Variants in OPA1 observed in about 807,000 individuals in gnomAD.
The protein encoded by OPA1 is OPA1 mitochondrial dynamin like GTPase, also known as dynamin-like GTPase OPA1, mitochondrial.
Under a neutral mutation model 152.9 loss-of-function variants are expected in OPA1, and 59 were observed. The observed-to-expected ratio is 0.39, with a 90% CI of 0.31 to 0.48. The LOEUF is 0.48. Among genes scored for constraint, OPA1 ranks in the 20% least tolerant of loss-of-function variants. The pLI is 0.96. For synonymous variants in OPA1, 400 were observed against 389.9 expected (o/e 1.03, Z -0.31); for missense variants, 1,008 against 1,216.8 (o/e 0.83, Z 2.55).
intron 21 of OPA1, among the ~76,000 whole-genome samples, chr3:193,653,927 G>T (rs946915405): frequency 1.3e-5 from 2 of 152,124 alleles, no homozygotes; most frequent in African/African-American, 4.8e-5. Flanking sequence ...AGGATGTAGA[G>T]GATCTAGAAC....
At position 193,644,077 on chromosome 3, in the gene OPA1, C is replaced by A; in HGVS notation, c.1580C>A (p.Ala527Glu). 6.2e-7 allele frequency: 1 copy of A among 1,613,586 alleles called. No homozygotes were observed. Among genetic ancestry groups the A allele is most frequent in the Non-Finnish European group, 8.5e-7 (1 of 1,179,748 alleles). The change falls in exon 16 of 31, where the codon GCA becomes GAA. Residue 527 changes from alanine (A) to glutamate (E), a missense_variant. Ala to Glu is a moderately radical substitution (Grantham distance 107). Coordinates refer to ENST00000361510, the MANE Select transcript of OPA1 (RefSeq NM_130837.3). ...TTCGTTTTGACCAAAGTAGACCTGG[C>A]AGAGAAAAATGTAGCCAGTCCAAGC... ...TIFVLTKVDL[A>E]EKNVASPSRI...
chr3:193,683,136 G>A (rs893034881), intron 29 of OPA1, among the ~76,000 whole-genome samples: 5 of 152,146 alleles, frequency 3.3e-5, no homozygotes, highest in Non-Finnish European at 4.4e-5. Flanking sequence ...AAGAGTTTGG[G>A]ACTTAAGAGG....
At chr3:193,616,445 C>T (rs911742421) in intron 3 of OPA1, among the ~76,000 whole-genome samples, 3 of 152,182 alleles carry the variant, frequency 2.0e-5, no homozygotes, top group South Asian at 2.1e-4. Context: ...CATATTTTGT[C>T]AGCATTTCCA....
At chr3:193,692,927 C>T (rs1376088023) in intron 30 of OPA1, among the ~76,000 whole-genome samples, 9 of 152,186 alleles carry the variant, frequency 5.9e-5, no homozygotes, top group African/African-American at 1.9e-4. Context: ...CAGCTAATTT[C>T]TTTAATTTTT....
At chr3:193,690,190 A>AT (rs11398485) in intron 29 of OPA1, among the ~76,000 whole-genome samples, 69,724 of 149,466 alleles carry the variant, frequency 0.47, 16,460 homozygotes, top group African/African-American at 0.54. Context: ...ATGGGTTAGG[A>AT]TTTTTTTTTT....
rs1305679135 is a variant in OPA1 at position 193,657,160 on chromosome 3, T to C, written c.2259T>C (p.Asp753=). The C allele has an allele frequency of 6.2e-7, 1 of 1,613,912 alleles. No individual in the cohort carries two copies. Among genetic ancestry groups the C allele is most frequent in the Admixed American group, 1.7e-5 (1 of 60,014 alleles). Residue 753 remains aspartate (D), a synonymous_variant, in exon 23 of 31, where the codon GAT becomes GAC. Transcript: ENST00000361510. ...GGAAAGAGCATGATGACATATTTGA[T>C]AAACTTAAAGAGGCTGTTAAGGAAG... ...PKGKEHDDIF[D]KLKEAVKEES...
intron 11 of OPA1, among the ~76,000 whole-genome samples, chr3:193,641,207 G>A (rs1259571859): frequency 1.3e-5 from 2 of 152,158 alleles, no homozygotes; most frequent in Non-Finnish European, 2.9e-5. Context: ...AATTAATTTT[G>A]TTTTGGCAGG....
intron 11 of OPA1, 125 bp from the exon 12 acceptor site, chr3:193,642,640 G>A (rs1733960347): frequency 1.4e-6 from 1 of 735,578 alleles, no homozygotes; most frequent in Non-Finnish European, 2.4e-6. Context: ...GGGTGCCCCA[G>A]CAGTAGTGTG....
chr3:193,680,259 T>G (rs1230741513), intron 29 of OPA1, among the ~76,000 whole-genome samples: 12 of 152,234 alleles, frequency 7.9e-5, no homozygotes. Context: ...AGAATCATTC[T>G]CATGATTCAT....
intron 30 of OPA1, 112 bp downstream of exon 30, chr3:193,692,244 T>C: frequency 1.5e-6 from 1 of 682,800 alleles, no homozygotes; most frequent in Middle Eastern, 2.5e-4. Context: ...TATGCTGTAA[T>C]TTCAATGGCA....
chr3:193,638,412 T>C (rs1733263311), intron 11 of OPA1, among the ~76,000 whole-genome samples: 1 of 152,168 alleles, frequency 6.6e-6, no homozygotes, highest in Non-Finnish European at 1.5e-5. Flanking sequence ...AGCAGAGAAA[T>C]GAAGCAGTAG....
At chr3:193,686,371 T>A (rs1005699660) in intron 29 of OPA1, among the ~76,000 whole-genome samples, 2 of 151,642 alleles carry the variant, frequency 1.3e-5, no homozygotes. Context: ...TTCTGTAACA[T>A]GCAGGAGTGT....
intron 29 of OPA1, among the ~76,000 whole-genome samples, chr3:193,671,624 C>A (rs11720234): frequency 0.42 from 64,278 of 151,872 alleles, 13,874 homozygotes; most frequent in Non-Finnish European, 0.43. Flanking sequence ...TTGGAAAATA[C>A]CATTATTCAT....
chr3:193,668,380 A>G, intron 29 of OPA1: 5 of 1,551,158 alleles, frequency 3.2e-6, no homozygotes, highest in Non-Finnish European at 4.4e-6. Flanking sequence ...CGCCGCACCC[A>G]GCATTGACAC....
At chr3:193,632,003 C>A (rs1224222533) in intron 8 of OPA1, among the ~76,000 whole-genome samples, 4 of 152,180 alleles carry the variant, frequency 2.6e-5, no homozygotes, top group African/African-American at 9.7e-5. Flanking sequence ...TCTACCACAT[C>A]GTTCTAGTGG....
intron 6 of OPA1, chr3:193,624,065 T>C (rs1347039040): frequency 2.0e-5 from 3 of 152,650 alleles, no homozygotes; most frequent in African/African-American, 4.8e-5. Context: ...TGAAATCTAA[T>C]AGATGATTGG....
intron 21 of OPA1, among the ~76,000 whole-genome samples, chr3:193,651,252 A>G (rs910196410): frequency 4.6e-5 from 7 of 152,238 alleles, no homozygotes; most frequent in Admixed American, 2.0e-4. Flanking sequence ...AAAATGGAAT[A>G]CAGGCGGAGA....
intron 1 of OPA1, among the ~76,000 whole-genome samples, chr3:193,610,413 G>A (rs1728018572): frequency 6.6e-6 from 1 of 152,194 alleles, no homozygotes; most frequent in Non-Finnish European, 1.5e-5. Context: ...TCTCAGAGGG[G>A]TACCCGGCCA....
At position 193,663,025 on chromosome 3, in the gene OPA1, T is replaced by A. The variant is rs1212068458; in HGVS notation, c.2661+63T>A. The A allele has an allele frequency of 5.3e-6, 8 of 1,523,700 alleles. No individual in the cohort carries two copies. The East Asian group carries it at 9.0e-5, about 17-fold the overall frequency. The allele number at this position is 1,523,700 out of a possible 1,614,324, so 94.4% of individuals were successfully genotyped here. On this transcript the variant is annotated intron_variant, in intron 26 of 30. Coordinates refer to ENST00000361510, the MANE Select transcript of OPA1 (RefSeq NM_130837.3). ...TAATATTTGTTTCTTGCAGTAAATG[T>A]TACTACATGTGTTAGTTAGATATTT... is the stretch of plus-strand genomic sequence containing the variant.
Sources: allele counts gnomAD v4.1 joint callset (sites outside exome capture counted in the v4.1 genomes callset), GRCh38; gene constraint gnomAD v4.1.1; transcripts MANE v1.5; gene names NCBI Gene and HGNC (gene_info 2026-07-23, HGNC 2026-07-21).